The following DNMT1 variants were observed in gnomAD, a reference collection of about 807,000 sequenced individuals.
The protein encoded by DNMT1 is DNA methyltransferase 1.
A neutral mutation model predicts 205.3 loss-of-function variants in DNMT1; 24 were observed. That is an observed-to-expected ratio of 0.12 (90% CI 0.08 to 0.16). DNMT1 has a LOEUF of 0.16. Ranked by LOEUF, DNMT1 falls within the 10% of genes least tolerant of loss-of-function variation. The probability of loss-of-function intolerance (pLI) is 1.00; values close to 1 mark genes in which losing one functional copy is unlikely to be tolerated. For synonymous variants in DNMT1, 817 were observed against 839.8 expected, an observed-to-expected ratio of 0.97 and a Z score of 0.47; for missense variants, 1,293 against 2,177.7, an observed-to-expected ratio of 0.59 and a Z score of 8.09.
At chr19:10,148,108 CTCTG>C (rs1199956793) in intron 27 of DNMT1, among the ~76,000 whole-genome samples, 4 of 61,932 alleles carry the variant, frequency 6.5e-5, no homozygotes, top group Admixed American at 1.9e-4. Context: ...AAAAGCGAAA[CTCTG>C]TCTCAAAAAA....
intron 34 of DNMT1, among the ~76,000 whole-genome samples, chr19:10,139,252 AC>A (rs2089554662): frequency 6.6e-6 from 1 of 152,208 alleles, no homozygotes; most frequent in African/African-American, 2.4e-5. Context: ...GTGCGCAGTT[AC>A]CCAGAGCAAA....
intron 1 of DNMT1, among the ~76,000 whole-genome samples, chr19:10,182,468 T>C (rs569173138): frequency 7.7e-6 from 1 of 129,502 alleles, no homozygotes; most frequent in Non-Finnish European, 1.7e-5. Context: ...TATATGTGTG[T>C]ATATATATAC....
At chr19:10,170,556 ATTTG>A (rs1219928108) in intron 9 of DNMT1, among the ~76,000 whole-genome samples, 1 of 152,110 alleles carries the variant, frequency 6.6e-6, no homozygotes. Context: ...AGGCAGGAGA[ATTTG>A]TTTGAACGCA....
At chr19:10,135,563 C>G in intron 39 of DNMT1, 173 bp downstream of exon 39, 5 of 689,514 alleles carry the variant, frequency 7.3e-6, no homozygotes, top group Non-Finnish European at 1.3e-5. Context: ...CAGCCTGACT[C>G]GGATGTCTCA....
intron 22 of DNMT1, among the ~76,000 whole-genome samples, chr19:10,153,480 A>G (rs1396882547): frequency 6.6e-6 from 1 of 151,454 alleles, no homozygotes; most frequent in Non-Finnish European, 1.5e-5. Context: ...CTAAAAATAC[A>G]AAAAAAATTA....
At chr19:10,135,984 G>A (rs2089473067) in intron 38 of DNMT1, 132 bp from the exon 39 acceptor site, 1 of 1,488,082 alleles carries the variant, frequency 6.7e-7, no homozygotes. Context: ...CGTGGACGTG[G>A]AGGGGCAGGA....
intron 2 of DNMT1, 134 bp downstream of exon 2, chr19:10,181,904 CAAG>C: frequency 2.7e-6 from 2 of 734,694 alleles, no homozygotes; most frequent in Admixed American, 5.0e-5. Flanking sequence ...TGACATTTAA[CAAG>C]AATATCCAAA....
At position 10,133,457 on chromosome 19, in the gene DNMT1, T is replaced by C; in HGVS notation, c.*210A>G. 1.6e-6 allele frequency: 1 copy of C among 609,966 alleles called. No homozygotes were observed. Among genetic ancestry groups the C allele is most frequent in the South Asian group, 2.1e-5 (1 of 48,106 alleles). 37.8% of individuals were successfully genotyped at this position (609,966 alleles called of 1,614,324 possible). A position where few individuals can be genotyped will look rare whatever the true frequency, so the allele number is the denominator to read the frequency against. On this transcript the variant is annotated 3_prime_UTR_variant, in exon 41 of 41. Coordinates refer to ENST00000359526, the MANE Select transcript of DNMT1 (RefSeq NM_001130823.3). The surrounding 1 kb of genome is among the most constrained non-coding windows in gnomAD (Gnocchi z 4.1). ...TTTGATATAATGCATAATAAAAAAC[T>C]TTTAAAATCCAGAATGCACAAAGTA... is the stretch of plus-strand genomic sequence containing the variant.
chr19:10,140,441 C>T lies in DNMT1; in HGVS notation c.3524-113G>A. 1 of 1,451,038 alleles carries T rather than the reference C, an allele frequency of 6.9e-7. No homozygotes were observed. The highest frequency in any genetic ancestry group is 9.3e-7 in the Non-Finnish European group (1 of 1,072,456). The allele number at this position is 1,451,038 out of a possible 1,614,324, so 89.9% of individuals were successfully genotyped here. A position where few individuals can be genotyped will look rare whatever the true frequency, so the allele number is the denominator to read the frequency against. Reference sequence around the variant, plus strand: ...CTGGAGTGCAGTGGTGTGATCTTGGCTCACTGCAAGCTCTGCCTCCCAGGT... The same window carrying T: ...CTGGAGTGCAGTGGTGTGATCTTGGTTCACTGCAAGCTCTGCCTCCCAGGT... On this transcript the variant is annotated intron_variant, in intron 32 of 40. Coordinates refer to ENST00000359526, the MANE Select transcript of DNMT1 (RefSeq NM_001130823.3). The surrounding 1 kb of genome is among the most constrained non-coding windows in gnomAD (Gnocchi z 8.4).
At chr19:10,177,746 C>T (rs569338560) in intron 5 of DNMT1, among the ~76,000 whole-genome samples, 5 of 152,114 alleles carry the variant, frequency 3.3e-5, no homozygotes, top group Admixed American at 2.6e-4. Context: ...GCCTGGACAA[C>T]ATGGCAAACC....
intron 6 of DNMT1, 91 bp from the exon 7 acceptor site, chr19:10,175,709 AAG>A (rs2038926835): frequency 1.7e-6 from 2 of 1,195,704 alleles, no homozygotes. Context: ...AGGATGTTGA[AAG>A]AGGCTTCAAG....
At chr19:10,148,342 A>C (rs2038250012) in intron 27 of DNMT1, among the ~76,000 whole-genome samples, 1 of 149,664 alleles carries the variant, frequency 6.7e-6, no homozygotes. Context: ...TAAAAATACA[A>C]AAAACTAGCC....
chr19:10,167,051 C>T (rs568575753), intron 10 of DNMT1, among the ~76,000 whole-genome samples: 11 of 152,234 alleles, frequency 7.2e-5, no homozygotes, highest in Admixed American at 1.3e-4. Context: ...AGTCAGTGAC[C>T]GTGGACAGCT....
intron 31 of DNMT1, 89 bp downstream of exon 31, chr19:10,141,016 C>G: frequency 1.2e-6 from 2 of 1,612,878 alleles, no homozygotes. Context: ...GAGTCAGTAA[C>G]ACCAGAGGTG....
At position 10,140,528 on chromosome 19, in the gene DNMT1, C is replaced by T. The variant is rs1414497925; in HGVS notation, c.3524-200G>A. 15 of 913,884 alleles carry T rather than the reference C, an allele frequency of 1.6e-5. No homozygotes were observed. The highest frequency in any genetic ancestry group is 2.4e-5 in the Admixed American group (1 of 41,808). 56.6% of individuals were successfully genotyped at this position (913,884 alleles called of 1,614,324 possible). A position where few individuals can be genotyped will look rare whatever the true frequency, so the allele number is the denominator to read the frequency against. ...GGGACTACAGGCACACACCACCACG[C>T]CCAGCTAATTTTTGTATTCTTATTA... On this transcript the variant is annotated intron_variant, in intron 32 of 40. Transcript: ENST00000359526. The surrounding 1 kb of genome is among the most constrained non-coding windows in gnomAD (Gnocchi z 8.4).
intron 1 of DNMT1, chr19:10,194,399 A>C: frequency 1.3e-5 from 2 of 154,788 alleles, no homozygotes; most frequent in Non-Finnish European, 2.9e-5. Context: ...CGGGCCGGAC[A>C]CCGGAAGTGG....
chr19:10,179,280 C>T (rs530720905), intron 5 of DNMT1, among the ~76,000 whole-genome samples: 337 of 152,132 alleles, frequency 2.2e-3, no homozygotes, highest in Non-Finnish European at 3.8e-3. Context: ...CACTCATAGC[C>T]ATGTTTTGGG....
chr19:10,134,789 T>C (rs1343348091), intron 39 of DNMT1, among the ~76,000 whole-genome samples: 1 of 134,670 alleles, frequency 7.4e-6, no homozygotes, highest in Non-Finnish European at 1.6e-5. Context: ...ACCCTGGAGG[T>C]GGAGGTTGCA....
chr19:10,138,304 T>C lies in DNMT1; in HGVS notation c.4115+135A>G. The stretch of plus-strand genomic sequence containing the variant: ...AGACCACAGGTGGCAGAGTGCCATG[T>C]GGCAGAGCACCGTGTGGCAGGGCAG... On this transcript the variant is annotated intron_variant, in intron 35 of 40. Coordinates refer to ENST00000359526, the MANE Select transcript of DNMT1 (RefSeq NM_001130823.3). The surrounding 1 kb of genome is among the most constrained non-coding windows in gnomAD (Gnocchi z 4.1). 7.2e-7 allele frequency: 1 copy of C among 1,385,300 alleles called. No homozygotes were observed. The highest frequency in any genetic ancestry group is 1.0e-6 in the Non-Finnish European group (1 of 1,001,116). 85.8% of individuals were successfully genotyped at this position (1,385,300 alleles called of 1,614,324 possible). A position where few individuals can be genotyped will look rare whatever the true frequency, so the allele number is the denominator to read the frequency against.
Sources: allele counts gnomAD v4.1 joint callset (sites outside exome capture counted in the v4.1 genomes callset), GRCh38; gene constraint gnomAD v4.1.1; non-coding constraint Gnocchi (gnomAD v3.1); transcripts MANE v1.5; gene names NCBI Gene and HGNC (gene_info 2026-07-23, HGNC 2026-07-21).